PRDM2: variants seen among roughly 807,000 people sequenced by gnomAD.
PRDM2 encodes the protein PR/SET domain 2.
Under a neutral mutation model 130.0 loss-of-function variants are expected in PRDM2, and 30 were observed. The ratio of observed to expected loss-of-function variants is 0.23; its 90% CI spans 0.17 to 0.31. The LOEUF is 0.31. PRDM2 is among the 10% of genes least tolerant of loss of function. The pLI, the probability that PRDM2 is intolerant of heterozygous loss-of-function variation, is 1.00. For missense variants in PRDM2, 2,011 were observed against 2,108.4 expected (o/e 0.95, Z 0.90); for synonymous variants, 871 against 782.4 (o/e 1.11, Z -1.89).
intron 8 of PRDM2, among the ~76,000 whole-genome samples, chr1:13,813,924 TG>T (rs2100762225): frequency 6.6e-6 from 1 of 152,248 alleles, no homozygotes. Flanking sequence ...GTTATTTTTG[TG>T]TGATTGATCT....
Position 13,778,979 on chromosome 1 carries a change from G to A in PRDM2, c.1184G>A (p.Cys395Tyr). 1.2e-6 allele frequency: 2 copies of A among 1,614,238 alleles called. No homozygotes were observed. Among genetic ancestry groups the A allele is most frequent in the South Asian group, 1.1e-5 (1 of 91,090 alleles). ...AATCATGCTTTCAAATGCAAGTACTGTGGGAAAGCCTTTGGCACACAGATT... is the reference window on the plus strand; with the variant it reads ...AATCATGCTTTCAAATGCAAGTACTATGGGAAAGCCTTTGGCACACAGATT... ...TVNHAFKCKY[C>Y]GKAFGTQINR... is the part of the protein sequence containing the mutation. The change falls in exon 8 of 10, where the codon TGT (cysteine) becomes TAT (tyrosine). Residue 395 changes from cysteine to tyrosine, a missense_variant. This residue lies in a region of PRDM2 where 1,288 missense variants were observed against 1,237.7 expected (regional missense o/e 1.04). Transcript: ENST00000311066.
At chr1:13,751,022 G>A (rs1643818384) in intron 6 of PRDM2, among the ~76,000 whole-genome samples, 1 of 152,166 alleles carries the variant, frequency 6.6e-6, no homozygotes, top group African/African-American at 2.4e-5. Context: ...AAATAGATTT[G>A]TAGTTTAATA....
chr1:13,770,800 A>G (rs1644342862), intron 6 of PRDM2, among the ~76,000 whole-genome samples: 2 of 152,224 alleles, frequency 1.3e-5, no homozygotes, highest in Non-Finnish European at 2.9e-5. Context: ...AAGTTTCTGA[A>G]TATGATTTTT....
chr1:13,791,091 A>G (rs1644831255), intron 8 of PRDM2, among the ~76,000 whole-genome samples: 1 of 151,496 alleles, frequency 6.6e-6, no homozygotes, highest in East Asian at 1.9e-4. Context: ...TACACTGTGC[A>G]GTCCATCGTT....
chr1:13,822,402 T>TTC (rs1553166562), intron 9 of PRDM2, among the ~76,000 whole-genome samples: 4 of 148,886 alleles, frequency 2.7e-5, no homozygotes, highest in South Asian at 4.3e-4. Context: ...TTTTCTTTCT[T>TTC]TTTTTTTTTT....
intron 6 of PRDM2, among the ~76,000 whole-genome samples, chr1:13,758,401 C>G (rs959868836): frequency 2.0e-5 from 3 of 149,216 alleles, no homozygotes; most frequent in Admixed American, 6.7e-5. Flanking sequence ...GAGCCGAGAT[C>G]GCACCACTGC....
intron 5 of PRDM2, among the ~76,000 whole-genome samples, chr1:13,742,756 T>C (rs1273609181): frequency 6.6e-6 from 1 of 152,222 alleles, no homozygotes; most frequent in Non-Finnish European, 1.5e-5. Context: ...CATTAGGAAC[T>C]GTCTGGCAGA....
chr1:13,749,976 G>A (rs892229969), intron 6 of PRDM2, among the ~76,000 whole-genome samples: 1 of 151,862 alleles, frequency 6.6e-6, no homozygotes, highest in Non-Finnish European at 1.5e-5. Flanking sequence ...GTGTGGGAGT[G>A]GGGGAGGCAG....
Position 13,749,454 on chromosome 1 carries a change from CG to C in PRDM2, c.480del (p.Ser161AlafsTer30). 1 of 1,499,598 alleles carries C rather than the reference CG, an allele frequency of 6.7e-7. No homozygotes were observed. Among genetic ancestry groups the C allele is most frequent in the Non-Finnish European group, 9.0e-7 (1 of 1,111,502 alleles). The allele number at this position is 1,499,598 out of a possible 1,614,324, so 92.9% of individuals were successfully genotyped here. A position where few individuals can be genotyped will look rare whatever the true frequency, so the allele number is the denominator to read the frequency against. ...GATTGAGGAAGAGCGAGCCAGCGCC[CG>C]GAGCAAGCGGAGCTCCCCCAAGAGC... The part of the protein sequence containing the change: ...AAIEEERASA[R>X]SKRSSPKSRK... On this transcript the variant is annotated frameshift_variant, in exon 6 of 10. Coordinates refer to ENST00000311066, the MANE Select transcript of PRDM2 (RefSeq NM_001393986.1). LOFTEE classifies it high-confidence loss of function.
At chr1:13,704,354 G>A (rs1327771712) in intron 1 of PRDM2, among the ~76,000 whole-genome samples, 2 of 148,304 alleles carry the variant, frequency 1.3e-5, no homozygotes, top group African/African-American at 5.0e-5. Context: ...TATGCTTACA[G>A]TATTTTTCTT....
intron 8 of PRDM2, among the ~76,000 whole-genome samples, chr1:13,798,900 A>G (rs546277995): frequency 6.6e-6 from 1 of 152,334 alleles, no homozygotes; most frequent in East Asian, 1.9e-4. Flanking sequence ...GATGGGTTTC[A>G]TGGTGCCATG....
At position 13,747,883 on chromosome 1, in the gene PRDM2, A is replaced by G. The variant is rs186179911; in HGVS notation, c.385-1478A>G. Among the ~76,000 whole-genome samples, 580 of 152,270 alleles carry G rather than the reference A, an allele frequency of 3.8e-3. 4 individuals are homozygous for G. Among genetic ancestry groups the G allele is most frequent in the African/African-American group, 0.013 (546 of 41,558 alleles). On this transcript the variant is annotated intron_variant, in intron 5 of 9. Coordinates refer to ENST00000311066, the MANE Select transcript of PRDM2 (RefSeq NM_001393986.1). ...CAGCAACACATTATTTTACTAGCTA[A>G]TATGTACACCTTACTCAGGTTCTGT... is the stretch of plus-strand genomic sequence containing the variant.
Position 13,782,620 on chromosome 1 carries a change from C to T in PRDM2, c.4825C>T (p.Arg1609Trp), listed in dbSNP as rs372071205. 7.4e-6 allele frequency: 12 copies of T among 1,614,108 alleles called. No individual in the cohort carries two copies. The highest frequency in any genetic ancestry group is 9.3e-6 in the Non-Finnish European group (11 of 1,180,006). ...TGCTCAGCTTTCCAGCAAAACATCA[C>T]GGAGCCTGCACGTGAGGGTACAGAA... ...HSAQLSSKTSRSLHVRVQKSK... is the reference protein window; with the variant it reads ...HSAQLSSKTSWSLHVRVQKSK... The change falls in exon 8 of 10, where the codon CGG (arginine) becomes TGG (tryptophan). Residue 1609 changes from arginine to tryptophan, a missense_variant. Physicochemically the swap from Arg to Trp is moderately radical, Grantham distance 101 (BLOSUM62 -3). Coordinates refer to ENST00000311066, the MANE Select transcript of PRDM2 (RefSeq NM_001393986.1).
chr1:13,779,446 G>A lies in PRDM2; in HGVS notation c.1651G>A (p.Asp551Asn). The change falls in exon 8 of 10, where the codon GAT (aspartate) becomes AAT (asparagine). Residue 551 changes from aspartate to asparagine, a missense_variant. This residue lies in a region of PRDM2 where 1,288 missense variants were observed against 1,237.7 expected (regional missense o/e 1.04). Coordinates refer to ENST00000311066, the MANE Select transcript of PRDM2 (RefSeq NM_001393986.1). This position sits in a 1 kb window ranked among gnomAD's most constrained non-coding sequence, Gnocchi z 4.9. Reference sequence around the variant, plus strand: ...AGAGCCGGAGGAGGAAGGGGAAGCAGATGATGTGTACATCATGGACATTTC... The same window carrying A: ...AGAGCCGGAGGAGGAAGGGGAAGCAAATGATGTGTACATCATGGACATTTC... ...STEPEEEGEA[D>N]DVYIMDISSN... 6.2e-7 allele frequency: 1 copy of A among 1,614,216 alleles called. No homozygotes were observed. Among genetic ancestry groups the A allele is most frequent in the East Asian group, 2.2e-5 (1 of 44,878 alleles).
At position 13,816,473 on chromosome 1, in the gene PRDM2, T is replaced by C; in HGVS notation, c.5083T>C (p.Tyr1695His). Residue 1695 changes from tyrosine to histidine, a missense_variant, in exon 9 of 10, where the codon TAC becomes CAC. This residue lies in a region of PRDM2 where 410 missense variants were observed against 395.9 expected (regional missense o/e 1.04). Coordinates refer to ENST00000311066, the MANE Select transcript of PRDM2 (RefSeq NM_001393986.1). ...CCGATGCTCTCCACCAGCGGCCCCG[T>C]ACATCACCAGGCAGTATAGGAAGGT... ...ASRCSPPAAP[Y>H]ITRQYRKVKA... 6.2e-7 allele frequency: 1 copy of C among 1,614,158 alleles called. No homozygotes were observed. The highest frequency in any genetic ancestry group is 8.5e-7 in the Non-Finnish European group (1 of 1,180,012).
At chr1:13,745,874 C>T (rs72635660) in intron 5 of PRDM2, among the ~76,000 whole-genome samples, 2 of 151,356 alleles carry the variant, frequency 1.3e-5, no homozygotes, top group Non-Finnish European at 2.9e-5. Context: ...GAGTTGAGGC[C>T]GAGATCTGAC....
chr1:13,800,589 A>ATCCT, intron 8 of PRDM2, among the ~76,000 whole-genome samples: 1 of 152,288 alleles, frequency 6.6e-6, no homozygotes, highest in South Asian at 2.1e-4. Context: ...GGCTGCCAGG[A>ATCCT]GGCATATGCG....
rs562581936 is a variant in PRDM2, at chr1:13,782,194, A to G, written c.4399A>G (p.Ile1467Val). 1.5e-5 allele frequency: 25 copies of G among 1,613,696 alleles called. No individual in the cohort carries two copies. In the South Asian group the frequency reaches 2.5e-4, roughly 16 times the overall value. ...TTACTGTAATCGAGAGTTCACTTAC[A>G]TTGGAAGCCTGAATAAACACGCCGC... is the stretch of plus-strand genomic sequence containing the variant. ...CPYCNREFTY[I>V]GSLNKHAAFS... Residue 1467 changes from isoleucine (I) to valine (V), a missense_variant, in exon 8 of 10, where the codon ATT (isoleucine) becomes GTT (valine). Ile to Val is a conservative substitution (Grantham distance 29, BLOSUM62 3). Around this residue, in one of 5 missense-constraint regions of PRDM2, gnomAD observed 410 missense variants for 395.9 expected, o/e 1.04. Transcript: ENST00000311066.
intron 8 of PRDM2, among the ~76,000 whole-genome samples, chr1:13,795,342 T>G (rs956497465): frequency 6.6e-6 from 1 of 152,224 alleles, no homozygotes; most frequent in Non-Finnish European, 1.5e-5. Context: ...ATTTTACAAA[T>G]GGGGAAACCG....
Sources: allele counts gnomAD v4.1 joint callset (sites outside exome capture counted in the v4.1 genomes callset), GRCh38; gene constraint gnomAD v4.1.1; regional missense constraint gnomAD v4.1.1; non-coding constraint Gnocchi (gnomAD v3.1); transcripts MANE v1.5; gene names NCBI Gene and HGNC (gene_info 2026-07-23, HGNC 2026-07-21).